VPS54: variants seen among roughly 807,000 people sequenced by gnomAD.
VPS54 encodes VPS54 subunit of GARP complex, also known as vacuolar protein sorting-associated protein 54.
VPS54 carries 45 observed loss-of-function variants against 121.5 expected under a neutral mutation model. That is an observed-to-expected ratio of 0.37 (90% confidence interval 0.29 to 0.47). The LOEUF (loss-of-function observed/expected upper bound fraction) is 0.47. VPS54 is among the 20% of genes least tolerant of loss of function. The pLI is 0.99. For synonymous variants in VPS54, 371 were observed against 385.8 expected, an observed-to-expected ratio of 0.96 and a Z score of 0.45; for missense variants, 1,090 against 1,131.4, an observed-to-expected ratio of 0.96 and a Z score of 0.52.
intron 12 of VPS54, among the ~76,000 whole-genome samples, chr2:63,924,744 C>A (rs564804165): frequency 6.6e-6 from 1 of 152,052 alleles, no homozygotes; most frequent in African/African-American, 2.4e-5. Flanking sequence ...GAAAAATGAA[C>A]GAAATAGAGT....
At chr2:63,893,594 A>ATT in intron 22 of VPS54, 59 bp from the exon 23 acceptor site, 2 of 1,449,900 alleles carry the variant, frequency 1.4e-6, no homozygotes, top group Non-Finnish European at 1.9e-6. Flanking sequence ...AGATAATTAA[A>ATT]GTAACAGTGC....
At chr2:63,915,112 TGGCACTCCAGCCTG>T (rs1673321060) in intron 16 of VPS54, among the ~76,000 whole-genome samples, 1 of 124,114 alleles carries the variant, frequency 8.1e-6, no homozygotes, top group African/African-American at 3.2e-5. Flanking sequence ...GATCATGCCA[TGGCACTCCAGCCTG>T]GGCAACAAGA....
rs776582501 is a variant in VPS54 at position 63,965,971 on chromosome 2, T to TA, written c.493-6dup. The stretch of plus-strand genomic sequence containing the variant: ...AAAATCTGGTTTCATAAAAATCTAT[T>TA]AAAAAAATGCATTTCCCTCAATTAG... On this transcript the variant is annotated splice_region_variant and splice_polypyrimidine_tract_variant and intron_variant, in intron 5 of 22. Coordinates refer to ENST00000272322, the MANE Select transcript of VPS54 (RefSeq NM_016516.3). The TA allele has an allele frequency of 5.0e-6, 8 of 1,601,052 alleles. No homozygotes were observed. The highest frequency in any genetic ancestry group is 2.3e-5 in the South Asian group (2 of 87,584).
intron 3 of VPS54, 90 bp downstream of exon 3, chr2:63,981,556 A>G (rs534179845): frequency 2.1e-6 from 3 of 1,413,020 alleles, no homozygotes; most frequent in African/African-American, 1.4e-5. Flanking sequence ...GGTTCATCAA[A>G]CATTACTGGT....
chr2:64,015,328 A>C (rs1217797935), intron 1 of VPS54, among the ~76,000 whole-genome samples: 1 of 152,068 alleles, frequency 6.6e-6, no homozygotes, highest in Non-Finnish European at 1.5e-5. Context: ...TCGTAAACAG[A>C]TTTCCTTTTA....
At chr2:63,994,644 G>C (rs920715044) in intron 1 of VPS54, among the ~76,000 whole-genome samples, 1 of 152,200 alleles carries the variant, frequency 6.6e-6, no homozygotes, top group Admixed American at 6.5e-5. Flanking sequence ...ATCAGCTACA[G>C]AGAAACCAGG....
chr2:63,981,154 T>C (rs182818423), intron 3 of VPS54, among the ~76,000 whole-genome samples: 200 of 152,242 alleles, frequency 1.3e-3, no homozygotes, highest in African/African-American at 4.6e-3. Context: ...TGAAGATGAA[T>C]TGATAGACCA....
intron 1 of VPS54, among the ~76,000 whole-genome samples, chr2:63,999,358 T>C (rs930559406): frequency 3.3e-5 from 5 of 152,342 alleles, no homozygotes; most frequent in South Asian, 2.1e-4. Flanking sequence ...GATATTTTCA[T>C]TGGATATAGT....
chr2:63,965,021 TA>T (rs1675927432), intron 6 of VPS54, among the ~76,000 whole-genome samples: 1 of 152,200 alleles, frequency 6.6e-6, no homozygotes, highest in Non-Finnish European at 1.5e-5. Flanking sequence ...AACTGCTGAC[TA>T]GTAACATGTA....
intron 3 of VPS54, among the ~76,000 whole-genome samples, chr2:63,976,133 G>T (rs1359529328): frequency 6.6e-6 from 1 of 152,004 alleles, no homozygotes. Context: ...CTTGAATTGA[G>T]GAGTTTGAGA....
Position 63,947,389 on chromosome 2 carries a change from AATG to A in VPS54, c.1236_1238del (p.Ile413del). On this transcript the variant is annotated inframe_deletion, in exon 9 of 23. Transcript: ENST00000272322. ...AATAAAAATGCATAATTACCTGTTT[AATG>A]ATATTCTTTGCTGTAATAACCATTT... The A allele has an allele frequency of 6.5e-7, 1 of 1,550,178 alleles. No homozygotes were observed. The highest frequency in any genetic ancestry group is 8.8e-7 in the Non-Finnish European group (1 of 1,141,480).
At chr2:64,005,086 C>CTTTTTTTTTTTTTTT (rs1559053926) in intron 1 of VPS54, among the ~76,000 whole-genome samples, 1 of 76,604 alleles carries the variant, frequency 1.3e-5, no homozygotes, top group African/African-American at 5.8e-5. Context: ...TCTACTATTG[C>CTTTTTTTTTTTTTTT]TTCTTTTTTT....
At chr2:63,949,893 G>C (rs1312718704) in intron 7 of VPS54, among the ~76,000 whole-genome samples, 5 of 152,172 alleles carry the variant, frequency 3.3e-5, no homozygotes, top group Non-Finnish European at 5.9e-5. Flanking sequence ...TGTCATAAAA[G>C]AAGTCAAAGG....
intron 16 of VPS54, among the ~76,000 whole-genome samples, chr2:63,915,958 G>A (rs1673363374): frequency 6.6e-6 from 1 of 152,188 alleles, no homozygotes. Flanking sequence ...ACTACGGTAA[G>A]TGCCATGATT....
intron 1 of VPS54, among the ~76,000 whole-genome samples, chr2:64,011,514 C>T (rs942822796): frequency 5.3e-5 from 8 of 151,972 alleles, no homozygotes; most frequent in African/African-American, 1.7e-4. Flanking sequence ...TGCAGTGAGC[C>T]GTGATTATAC....
chr2:64,012,103 C>A (rs1186723090), intron 1 of VPS54, among the ~76,000 whole-genome samples: 1 of 152,114 alleles, frequency 6.6e-6, no homozygotes, highest in African/African-American at 2.4e-5. Context: ...GCATCTCTCA[C>A]CACTGGTTGG....
intron 1 of VPS54, among the ~76,000 whole-genome samples, chr2:64,003,945 A>G (rs6546046): frequency 0.78 from 118,442 of 152,006 alleles, 47,455 homozygotes; most frequent in African/African-American, 0.89. Context: ...ACTCTTTGAA[A>G]GAATATGTAA....
chr2:63,909,724 G>GGTTTTTGTTTTTT, intron 20 of VPS54, among the ~76,000 whole-genome samples: 1 of 102,144 alleles, frequency 9.8e-6, no homozygotes, highest in Admixed American at 1.0e-4. Context: ...GGCCGTTTTT[G>GGTTTTTGTTTTTT]GTTTTTTTTT....
At chr2:64,015,320 G>A (rs531505366) in intron 1 of VPS54, among the ~76,000 whole-genome samples, 4 of 152,096 alleles carry the variant, frequency 2.6e-5, no homozygotes, top group East Asian at 3.9e-4. Context: ...GCGTCATGTC[G>A]TAAACAGATT....
Sources: allele counts gnomAD v4.1 joint callset (sites outside exome capture counted in the v4.1 genomes callset), GRCh38; gene constraint gnomAD v4.1.1; transcripts MANE v1.5; gene names NCBI Gene and HGNC (gene_info 2026-07-23, HGNC 2026-07-21).